Variants in DDX4 observed in about 807,000 individuals in gnomAD.
DDX4 encodes the protein probable ATP-dependent RNA helicase DDX4.
Under a neutral mutation model 100.0 loss-of-function variants are expected in DDX4, and 25 were observed. The ratio of observed to expected loss-of-function variants is 0.25; its 90% CI spans 0.18 to 0.35. The LOEUF (loss-of-function observed/expected upper bound fraction) is 0.35. DDX4 is among the 10% of genes least tolerant of loss of function. DDX4 has a pLI of 1.00. For missense variants in DDX4, 635 were observed against 882.4 expected (o/e 0.72, Z 3.55); for synonymous variants, 259 against 275.7 (o/e 0.94, Z 0.60).
At position 55,785,699 on chromosome 5, in the gene DDX4, G is replaced by A. The variant is rs371164146; in HGVS notation, c.722-30G>A. ...TATATTTTCTTGTAGTCTCTGTAAC[G>A]TACATTATGTTTTTAATTTAAATTC... On this transcript the variant is annotated intron_variant, in intron 12 of 21. Coordinates refer to ENST00000505374, the MANE Select transcript of DDX4 (RefSeq NM_024415.3). 3.0e-5 allele frequency: 48 copies of A among 1,591,360 alleles called. No homozygotes were observed. In the African/African-American group the frequency reaches 3.4e-4, roughly 11 times the overall value.
chr5:55,752,885 G>A (rs1185915776), intron 3 of DDX4, among the ~76,000 whole-genome samples: 137 of 150,610 alleles, frequency 9.1e-4, no homozygotes, highest in African/African-American at 3.3e-3. Flanking sequence ...TCTAACTGGT[G>A]TGAGATGGTA....
intron 7 of DDX4, among the ~76,000 whole-genome samples, chr5:55,768,590 T>C (rs772085394): frequency 1.1e-4 from 17 of 152,194 alleles, no homozygotes; most frequent in Non-Finnish European, 1.9e-4. Context: ...GGTGAACATA[T>C]GTGTACATGT....
At chr5:55,807,333 A>G (rs1047707425) in intron 18 of DDX4, among the ~76,000 whole-genome samples, 4 of 152,002 alleles carry the variant, frequency 2.6e-5, no homozygotes, top group Non-Finnish European at 5.9e-5. Flanking sequence ...TTTAAGGTTA[A>G]TATTGTTATG....
intron 6 of DDX4, chr5:55,766,884 T>G: frequency 5.3e-6 from 8 of 1,517,378 alleles, no homozygotes; most frequent in Non-Finnish European, 7.0e-6. Flanking sequence ...ACATAGAACT[T>G]TTACATTTCG....
chr5:55,796,434 G>A (rs971061306), intron 17 of DDX4, among the ~76,000 whole-genome samples: 6 of 152,166 alleles, frequency 3.9e-5, no homozygotes, highest in African/African-American at 9.7e-5. Flanking sequence ...CACTGGAAGT[G>A]GCTTTTTAAC....
At position 55,746,177 on chromosome 5, in the gene DDX4, G is replaced by A. The variant is rs778530167; in HGVS notation, c.83G>A (p.Gly28Glu). The change falls in exon 3 of 22, where the codon GGA becomes GAA. Residue 28 changes from glycine (G) to glutamate (E), a missense_variant. Around this residue, in one of 4 missense-constraint regions of DDX4, gnomAD observed 446 missense variants for 540.8 expected, o/e 0.82. Transcript: ENST00000505374. ...VPIFEKDRYS[G>E]ENGDNFNRTP... ...TCTTTCTCACAGGATAGGTATTCTG[G>A]AGAAAATGGAGACAATTTTAACAGG... is the stretch of plus-strand genomic sequence containing the variant. 2 of 1,612,242 alleles carry A rather than the reference G, an allele frequency of 1.2e-6. No homozygotes were observed. The highest frequency in any genetic ancestry group is 3.3e-5 in the Admixed American group (2 of 59,716).
chr5:55,756,906 C>T (rs1009756560), intron 3 of DDX4, among the ~76,000 whole-genome samples: 1 of 151,658 alleles, frequency 6.6e-6, no homozygotes, highest in Non-Finnish European at 1.5e-5. Context: ...TGGGGATTGC[C>T]GTGATATATA....
chr5:55,786,606 G>A lies in DDX4; in HGVS notation c.953G>A (p.Ser318Asn). Reference sequence around the variant, plus strand: ...AAGCTTACTCCTGTGCAAAAATACAGTATTCCTATCATACTTGCAGGACGA... The same window carrying A: ...AAGCTTACTCCTGTGCAAAAATACAATATTCCTATCATACTTGCAGGACGA... ...YTKLTPVQKY[S>N]IPIILAGRDL... is the part of the protein sequence containing the mutation. The change falls in exon 14 of 22, where the codon AGT becomes AAT. Residue 318 changes from serine (S) to asparagine (N), a missense_variant. Physicochemically the swap from Ser to Asn is conservative, Grantham distance 46. Coordinates refer to ENST00000505374, the MANE Select transcript of DDX4 (RefSeq NM_024415.3). 6.2e-7 allele frequency: 1 copy of A among 1,612,902 alleles called. No individual in the cohort carries two copies. Among genetic ancestry groups the A allele is most frequent in the East Asian group, 2.2e-5 (1 of 44,846 alleles).
intron 9 of DDX4, among the ~76,000 whole-genome samples, 186 bp downstream of exon 9, chr5:55,781,332 T>C (rs1561498996): frequency 1.3e-5 from 2 of 152,160 alleles, no homozygotes; most frequent in Non-Finnish European, 2.9e-5. Context: ...ATGTGAATTA[T>C]TTATTCTGTG....
chr5:55,802,756 T>A lies in DDX4; in HGVS notation c.1615+4185T>A, dbSNP rs1313500295. Among the ~76,000 whole-genome samples, 12 of 152,216 alleles carry A rather than the reference T, an allele frequency of 7.9e-5. 1 individual carries two copies. The highest frequency in any genetic ancestry group is 7.9e-4 in the Admixed American group (12 of 15,282). On this transcript the variant is annotated intron_variant, in intron 18 of 21. Transcript: ENST00000505374. ...AAAGAAAACAAAAGCTGTCTGAAGA[T>A]GACAGATTTAATGATCATGGTAAAT...
Position 55,793,067 on chromosome 5 carries a change from G to GT in DDX4, c.1469+262dup, listed in dbSNP as rs767730771. Among the ~76,000 whole-genome samples the GT allele has an allele frequency of 8.0e-3, 1,179 of 146,808 alleles. 14 individuals carry two copies. The highest frequency in any genetic ancestry group is 0.032 in the East Asian group (160 of 4,996). ...GTGTGTGTGTGTGTTTGTGTGTGTT[G>GT]TTGTTGTTGTTGCATAGAATCCAGC... is the stretch of plus-strand genomic sequence containing the variant. On this transcript the variant is annotated intron_variant, in intron 17 of 21. Transcript: ENST00000505374.
intron 18 of DDX4, among the ~76,000 whole-genome samples, chr5:55,803,604 C>T (rs1372297177): frequency 6.7e-6 from 1 of 149,568 alleles, no homozygotes; most frequent in Non-Finnish European, 1.5e-5. Context: ...TGATAGTTTA[C>T]TTGAGAATGA....
chr5:55,790,608 G>C lies in DDX4; in HGVS notation c.1205G>C (p.Gly402Ala). 1 of 1,602,018 alleles carries C rather than the reference G, an allele frequency of 6.2e-7. No individual in the cohort carries two copies. Among genetic ancestry groups the C allele is most frequent in the Non-Finnish European group, 8.6e-7 (1 of 1,169,280 alleles). Residue 402 changes from glycine (G) to alanine (A), a missense_variant, in exon 16 of 22, where the codon GGA (glycine) becomes GCA (alanine). Gly to Ala is a moderately conservative substitution (Grantham distance 60, BLOSUM62 0). Around this residue, in one of 4 missense-constraint regions of DDX4, gnomAD observed 446 missense variants for 540.8 expected, o/e 0.82. Transcript: ENST00000505374. ...TCVRAVVIYG[G>A]TQLGHSIRQI... ...GTAAGAGCTGTTGTTATATATGGGG[G>C]AACCCAGCTGGGACATTCAATTCGA...
chr5:55,759,290 C>G (rs912327715), intron 3 of DDX4, among the ~76,000 whole-genome samples: 2 of 151,664 alleles, frequency 1.3e-5, no homozygotes, highest in Non-Finnish European at 2.9e-5. Context: ...TATTTAAATA[C>G]TGATAAAGTC....
chr5:55,778,643 C>CA (rs1243024344), intron 7 of DDX4, among the ~76,000 whole-genome samples: 1 of 152,132 alleles, frequency 6.6e-6, no homozygotes, highest in East Asian at 1.9e-4. Context: ...CCTGTAATCC[C>CA]AGCACTTTGG....
intron 17 of DDX4, among the ~76,000 whole-genome samples, chr5:55,793,703 C>T (rs916919622): frequency 5.9e-5 from 9 of 152,206 alleles, no homozygotes; most frequent in African/African-American, 1.4e-4. Flanking sequence ...TTCCCAGACT[C>T]ATGCACCATA....
intron 13 of DDX4, among the ~76,000 whole-genome samples, chr5:55,786,152 A>G (rs1016959769): frequency 6.6e-6 from 1 of 152,128 alleles, no homozygotes; most frequent in African/African-American, 2.4e-5. Flanking sequence ...TTTTCCCAAG[A>G]TTGTGAGAAA....
At chr5:55,743,278 T>C (rs1385209457) in intron 2 of DDX4, among the ~76,000 whole-genome samples, 1 of 152,162 alleles carries the variant, frequency 6.6e-6, no homozygotes, top group East Asian at 1.9e-4. Context: ...TGTCTTCACA[T>C]TGCACCTCCT....
In DDX4 at chr5:55,804,246, C is replaced by T. The variant is rs570267618; in HGVS notation, c.1615+5675C>T. 5.3e-5 allele frequency among the ~76,000 whole-genome samples: 8 copies of T among 152,014 alleles called. No homozygotes were observed. In the South Asian group the frequency reaches 6.2e-4, roughly 12 times the overall value. On this transcript the variant is annotated intron_variant, in intron 18 of 21. Coordinates refer to ENST00000505374, the MANE Select transcript of DDX4 (RefSeq NM_024415.3). ...AGCCCTTTGTCAGATGAGTAGGTTGCGAAAATTTTCTCCCGTTTTGTAGGT... is the reference window on the plus strand; with the variant it reads ...AGCCCTTTGTCAGATGAGTAGGTTGTGAAAATTTTCTCCCGTTTTGTAGGT...
Sources: gnomAD v4.1 joint callset for allele counts (sites outside exome capture counted in the v4.1 genomes callset) on GRCh38, gnomAD v4.1.1 for gene constraint, gnomAD v4.1.1 regional missense constraint, MANE v1.5 for transcripts, NCBI Gene and HGNC (gene_info 2026-07-23, HGNC 2026-07-21) for gene names.